The following CTNNA2 variants were observed in gnomAD, a reference collection of about 807,000 sequenced individuals.
The protein encoded by CTNNA2 is catenin alpha 2, also known as catenin alpha-2.
Under a neutral mutation model 101.0 loss-of-function variants are expected in CTNNA2, and 42 were observed. That is an observed-to-expected ratio of 0.42 (90% confidence interval 0.32 to 0.54). CTNNA2 has a LOEUF of 0.54. CTNNA2 is among the 20% of genes least tolerant of loss of function. CTNNA2 has a pLI of 0.14. For synonymous variants in CTNNA2, 450 were observed against 456.4 expected (o/e 0.99, Z 0.18); for missense variants, 871 against 1,223.1 (o/e 0.71, Z 4.29).
chr2:79,884,943 T>C (rs923639352), intron 6 of CTNNA2, among the ~76,000 whole-genome samples: 2 of 152,062 alleles, frequency 1.3e-5, no homozygotes, highest in African/African-American at 4.8e-5. Flanking sequence ...AATTGTCTAC[T>C]GGGGGAGCAC....
intron 2 of CTNNA2, among the ~76,000 whole-genome samples, chr2:79,686,489 A>G (rs559208475): frequency 3.9e-5 from 6 of 152,290 alleles, no homozygotes; most frequent in Admixed American, 2.6e-4. Flanking sequence ...ATGATAATTG[A>G]ATTTCTACTC....
intron 2 of CTNNA2, among the ~76,000 whole-genome samples, chr2:79,737,118 C>A (rs1021990212): frequency 6.6e-6 from 1 of 152,168 alleles, no homozygotes; most frequent in Non-Finnish European, 1.5e-5. Flanking sequence ...GAGGCAGAGG[C>A]AGGCGGATCA....
chr2:79,926,067 T>G (rs1367571286), intron 7 of CTNNA2, among the ~76,000 whole-genome samples: 2 of 152,134 alleles, frequency 1.3e-5, no homozygotes, highest in Non-Finnish European at 2.9e-5. Context: ...ATTATGAGCT[T>G]CTTATCACTG....
At chr2:79,265,401 C>A (rs180875278) in intron 2 of CTNNA2, among the ~76,000 whole-genome samples, 1 of 152,108 alleles carries the variant, frequency 6.6e-6, no homozygotes, top group African/African-American at 2.4e-5. Flanking sequence ...AGGGATGTAG[C>A]TTTTCTGCTT....
intron 7 of CTNNA2, among the ~76,000 whole-genome samples, chr2:79,980,543 A>C (rs367831024): frequency 7.2e-5 from 11 of 152,228 alleles, no homozygotes; most frequent in African/African-American, 2.4e-4. Flanking sequence ...TGATTCTACA[A>C]TTACATTTTG....
intron 4 of CTNNA2, among the ~76,000 whole-genome samples, chr2:79,469,406 A>G (rs1670974524): frequency 6.6e-6 from 1 of 152,178 alleles, no homozygotes; most frequent in African/African-American, 2.4e-5. Flanking sequence ...CAACCAAAAA[A>G]GGTCCAGGAC....
chr2:79,651,556 C>T lies in CTNNA2; in HGVS notation c.-1C>T, dbSNP rs781265941. ...TGATTACATGTGTTCCCATAGGGAG[C>T]ATGACTTCGGCAACTTCACCTATCA... On this transcript the variant is annotated 5_prime_UTR_variant, in exon 2 of 19. Transcript: ENST00000402739. The T allele has an allele frequency of 2.3e-5, 37 of 1,613,296 alleles. No homozygotes were observed. The South Asian group carries it at 2.6e-4, about 11-fold the overall frequency.
At chr2:80,232,738 T>C (rs557624887) in intron 7 of CTNNA2, among the ~76,000 whole-genome samples, 13 of 152,234 alleles carry the variant, frequency 8.5e-5, no homozygotes, top group African/African-American at 3.1e-4. Context: ...ACATGAGGAA[T>C]GGCCCCTACC....
At chr2:79,521,393 C>G (rs527428553) in intron 1 of CTNNA2, among the ~76,000 whole-genome samples, 1 of 151,880 alleles carries the variant, frequency 6.6e-6, no homozygotes, top group Non-Finnish European at 1.5e-5. Flanking sequence ...GCAGCAGCAG[C>G]GTCTCTTCCT....
At chr2:80,591,923 C>T (rs905820479) in intron 15 of CTNNA2, among the ~76,000 whole-genome samples, 2 of 152,142 alleles carry the variant, frequency 1.3e-5, no homozygotes, top group Admixed American at 6.5e-5. Context: ...CAGTTCTTGA[C>T]TTCCATCTCA....
At chr2:80,057,582 C>T (rs1413691420) in intron 7 of CTNNA2, among the ~76,000 whole-genome samples, 1 of 152,120 alleles carries the variant, frequency 6.6e-6, no homozygotes, top group African/African-American at 2.4e-5. Context: ...TCTCTGGCTC[C>T]CACTCACAGG....
chr2:79,834,869 CTT>C (rs2105442969), intron 3 of CTNNA2, among the ~76,000 whole-genome samples: 1 of 152,080 alleles, frequency 6.6e-6, no homozygotes, highest in South Asian at 2.1e-4. Context: ...ACTTTTTACT[CTT>C]TGAATTAAAG....
chr2:79,695,339 T>G (rs1684589253), intron 2 of CTNNA2, among the ~76,000 whole-genome samples: 1 of 151,946 alleles, frequency 6.6e-6, no homozygotes, highest in African/African-American at 2.4e-5. Flanking sequence ...ATTTTATTTC[T>G]TATGAAGGGT....
At chr2:80,226,710 C>A (rs1005320188) in intron 7 of CTNNA2, among the ~76,000 whole-genome samples, 1 of 152,168 alleles carries the variant, frequency 6.6e-6, no homozygotes. Context: ...GATGGAGGTC[C>A]TGAGTGACAA....
intron 3 of CTNNA2, among the ~76,000 whole-genome samples, chr2:79,328,904 T>G (rs1358225665): frequency 1.3e-5 from 2 of 152,124 alleles, no homozygotes; most frequent in African/African-American, 2.4e-5. Context: ...TCCTACCACT[T>G]TGTGCTTGCT....
At chr2:79,525,438 C>A (rs957238503) in intron 1 of CTNNA2, among the ~76,000 whole-genome samples, 10 of 151,962 alleles carry the variant, frequency 6.6e-5, no homozygotes, top group African/African-American at 2.4e-4. Flanking sequence ...TTTCTGCATA[C>A]ATATCAGTAT....
chr2:79,715,189 A>G lies in CTNNA2; in HGVS notation c.103-29198A>G, dbSNP rs373586273. Among the ~76,000 whole-genome samples the G allele has an allele frequency of 2.9e-4, 43 of 145,842 alleles. No homozygotes were observed. In the East Asian group the frequency reaches 8.0e-3, roughly 27 times the overall value. On this transcript the variant is annotated intron_variant, in intron 2 of 18. Coordinates refer to ENST00000402739, the MANE Select transcript of CTNNA2 (RefSeq NM_001282597.3). ...GCCATTGCACTCCAGCCTGGGCAAC[A>G]AGAGCAAAATTCCGTCAAAAAAAAA...
At chr2:79,542,994 C>A (rs945935167) in intron 1 of CTNNA2, among the ~76,000 whole-genome samples, 1 of 152,012 alleles carries the variant, frequency 6.6e-6, no homozygotes, top group African/African-American at 2.4e-5. Flanking sequence ...AAAAACAACT[C>A]ATGTGTTTTT....
chr2:80,152,974 T>C (rs901257997), intron 7 of CTNNA2, among the ~76,000 whole-genome samples: 3 of 152,204 alleles, frequency 2.0e-5, no homozygotes, highest in East Asian at 1.9e-4. Context: ...GCTATAGAAG[T>C]CCTCAGAGGA....
Sources: gnomAD v4.1 joint callset for allele counts (sites outside exome capture counted in the v4.1 genomes callset) on GRCh38, gnomAD v4.1.1 for gene constraint, MANE v1.5 for transcripts, NCBI Gene and HGNC (gene_info 2026-07-23, HGNC 2026-07-21) for gene names.